Variants in SLC26A7 observed in about 807,000 individuals in gnomAD.
SLC26A7 encodes solute carrier family 26 member 7, also known as anion exchange transporter.
In SLC26A7, 59 loss-of-function variants were observed where a neutral mutation model predicts 82.5. That is an observed-to-expected ratio of 0.72 (90% CI 0.58 to 0.89). The LOEUF (loss-of-function observed/expected upper bound fraction) is 0.89. Ranked by LOEUF, SLC26A7 falls within the 40% of genes least tolerant of loss-of-function variation. SLC26A7 has a pLI of 0.00. For synonymous variants in SLC26A7, 271 were observed against 274.3 expected (o/e 0.99, Z 0.12); for missense variants, 820 against 793.0 (o/e 1.03, Z -0.41).
At chr8:91,257,890 A>G (rs552634290) in intron 2 of SLC26A7, among the ~76,000 whole-genome samples, 2 of 152,228 alleles carry the variant, frequency 1.3e-5, no homozygotes, top group South Asian at 4.1e-4. Context: ...GATTGACTCA[A>G]CAGTTCCACA....
At chr8:91,242,621 C>G (rs1031543239) in intron 2 of SLC26A7, among the ~76,000 whole-genome samples, 7 of 152,132 alleles carry the variant, frequency 4.6e-5, no homozygotes, top group Non-Finnish European at 8.8e-5. Context: ...CACCAGAGAG[C>G]TTTCTTCCTG....
At chr8:91,346,439 C>T (rs559924913) in intron 9 of SLC26A7, among the ~76,000 whole-genome samples, 3 of 152,164 alleles carry the variant, frequency 2.0e-5, no homozygotes, top group South Asian at 4.1e-4. Flanking sequence ...CATGACTTCA[C>T]AAAACAACCC....
intron 9 of SLC26A7, among the ~76,000 whole-genome samples, 192 bp downstream of exon 9, chr8:91,343,658 A>T (rs1371121566): frequency 6.6e-6 from 1 of 152,204 alleles, no homozygotes; most frequent in East Asian, 1.9e-4. Context: ...AAAGCTAAGG[A>T]TTCAACAAGG....
chr8:91,214,075 T>G (rs1809991086), intron 1 of SLC26A7, among the ~76,000 whole-genome samples: 1 of 152,092 alleles, frequency 6.6e-6, no homozygotes, highest in Non-Finnish European at 1.5e-5. Context: ...CTGGCTTAGT[T>G]GAAGTTTGAA....
intron 2 of SLC26A7, among the ~76,000 whole-genome samples, chr8:91,273,902 A>G (rs186737063): frequency 6.6e-6 from 1 of 152,326 alleles, no homozygotes; most frequent in East Asian, 1.9e-4. Flanking sequence ...GGACCTTGTA[A>G]TTCATATCTT....
At chr8:91,326,660 T>G (rs964893143) in intron 5 of SLC26A7, among the ~76,000 whole-genome samples, 1 of 152,184 alleles carries the variant, frequency 6.6e-6, no homozygotes, top group Admixed American at 6.5e-5. Context: ...TTTCTTTGAG[T>G]TGTCTCAGAA....
rs138583736 is a variant in SLC26A7, at chr8:91,275,528, G to T, written c.194-13608G>T. Among the ~76,000 whole-genome samples, 70 of 152,176 alleles carry T rather than the reference G, an allele frequency of 4.6e-4. 1 individual carries two copies. The highest frequency in any genetic ancestry group is 1.6e-3 in the African/African-American group (66 of 41,512). ...TTTCTCAGGCTGGTCTTGAAAACCTGGGCTCAAGTGATCCACCCTCCTTGG... is the reference window on the plus strand; with the variant it reads ...TTTCTCAGGCTGGTCTTGAAAACCTTGGCTCAAGTGATCCACCCTCCTTGG... On this transcript the variant is annotated intron_variant, in intron 2 of 18. Transcript: ENST00000276609.
chr8:91,331,922 A>G (rs1418029789), intron 5 of SLC26A7, among the ~76,000 whole-genome samples: 1 of 151,812 alleles, frequency 6.6e-6, no homozygotes, highest in Non-Finnish European at 1.5e-5. Flanking sequence ...CTCTTTGTTC[A>G]TATGTTTATT....
rs115630757 is a variant in SLC26A7, at chr8:91,282,557, A to T, written c.194-6579A>T. ...TTTCCTCTGGCACCAAAGAGAATGC[A>T]GCTAAGCACTTGTGATTGTGGCATC... On this transcript the variant is annotated intron_variant, in intron 2 of 18. Transcript: ENST00000276609. Among the ~76,000 whole-genome samples, 1,255 of 152,292 alleles carry T rather than the reference A, an allele frequency of 8.2e-3. 20 individuals are homozygous for T. The highest frequency in any genetic ancestry group is 0.029 in the African/African-American group (1,197 of 41,560).
intron 5 of SLC26A7, among the ~76,000 whole-genome samples, chr8:91,329,404 T>C (rs1049147703): frequency 6.6e-6 from 1 of 152,194 alleles, no homozygotes; most frequent in African/African-American, 2.4e-5. Flanking sequence ...CTGTTCTTCA[T>C]GCTGGTTGTA....
chr8:91,220,732 T>G (rs1375930248), intron 2 of SLC26A7, among the ~76,000 whole-genome samples: 1 of 152,220 alleles, frequency 6.6e-6, no homozygotes, highest in Non-Finnish European at 1.5e-5. Flanking sequence ...TGTACCATAT[T>G]TTCTTTATCC....
At chr8:91,300,928 A>AT (rs71562211) in intron 4 of SLC26A7, among the ~76,000 whole-genome samples, 36,167 of 152,044 alleles carry the variant, frequency 0.24, 6,182 homozygotes, top group African/African-American at 0.48. Flanking sequence ...ATTGTGTCCT[A>AT]TTTTGTGTTT....
chr8:91,374,437 A>G (rs1814452854), intron 15 of SLC26A7, among the ~76,000 whole-genome samples: 1 of 150,466 alleles, frequency 6.6e-6, no homozygotes, highest in Admixed American at 6.6e-5. Context: ...CTCTATACTG[A>G]TTTGTTTCAA....
At chr8:91,315,423 A>ATGAAAACCAACTGACTCC in intron 4 of SLC26A7, among the ~76,000 whole-genome samples, 1 of 151,308 alleles carries the variant, frequency 6.6e-6, no homozygotes, top group East Asian at 1.9e-4. Context: ...TGTTTTCAGG[A>ATGAAAACCAACTGACTCC]TGAAAACCAA....
rs535658521 is a variant in SLC26A7 at position 91,316,432 on chromosome 8, G to A, written c.478-1784G>A. 9.1e-4 allele frequency among the ~76,000 whole-genome samples: 123 copies of A among 135,188 alleles called. 1 individual carries two copies. Among genetic ancestry groups the A allele is most frequent in the Non-Finnish European group, 1.4e-3 (92 of 65,464 alleles). 88.7% of individuals were successfully genotyped at this position (135,188 alleles called of 152,430 possible). On this transcript the variant is annotated intron_variant, in intron 4 of 18. Coordinates refer to ENST00000276609, the MANE Select transcript of SLC26A7 (RefSeq NM_052832.4). The stretch of plus-strand genomic sequence containing the variant: ...TGAGTACCTGGGACTACAGGAACTC[G>A]CTGCCACACTCAACACTAATTTTTT...
chr8:91,238,929 C>T (rs1486506873), intron 2 of SLC26A7, among the ~76,000 whole-genome samples: 10 of 152,054 alleles, frequency 6.6e-5, no homozygotes, highest in African/African-American at 2.4e-4. Context: ...AAAACAATTC[C>T]TTCTCTATGG....
chr8:91,303,002 C>T (rs1227164256), intron 4 of SLC26A7, among the ~76,000 whole-genome samples: 1 of 152,030 alleles, frequency 6.6e-6, no homozygotes, highest in Non-Finnish European at 1.5e-5. Context: ...GTTTCCAGTT[C>T]TACCATCTAT....
chr8:91,285,735 G>C (rs1004790706), intron 2 of SLC26A7, among the ~76,000 whole-genome samples: 1 of 152,146 alleles, frequency 6.6e-6, no homozygotes, highest in African/African-American at 2.4e-5. Context: ...ATAAAATATT[G>C]TTGGTCTTGT....
intron 2 of SLC26A7, among the ~76,000 whole-genome samples, chr8:91,277,938 G>T (rs1280092543): frequency 6.6e-6 from 1 of 152,112 alleles, no homozygotes; most frequent in African/African-American, 2.4e-5. Flanking sequence ...CAAGAGGGCA[G>T]GAGCTAGAGA....
Sources: allele counts gnomAD v4.1 joint callset (sites outside exome capture counted in the v4.1 genomes callset), GRCh38; gene constraint gnomAD v4.1.1; transcripts MANE v1.5; gene names NCBI Gene and HGNC (gene_info 2026-07-23, HGNC 2026-07-21).